ZZEF1: variants seen among roughly 807,000 people sequenced by gnomAD.
The protein encoded by ZZEF1 is zinc finger ZZ-type and EF-hand domain-containing protein 1.
In ZZEF1, 157 loss-of-function variants were observed where a neutral mutation model predicts 342.8. That is an observed-to-expected ratio of 0.46 (90% CI 0.40 to 0.52). The LOEUF is 0.52. ZZEF1 is among the 20% of genes least tolerant of loss of function. The pLI is 0.00. For synonymous variants in ZZEF1, 1,505 were observed against 1,429.1 expected (o/e 1.05, Z -1.20); for missense variants, 3,480 against 3,725.6 (o/e 0.93, Z 1.72).
intron 18 of ZZEF1, among the ~76,000 whole-genome samples, chr17:4,078,337 A>G (rs2057662311): frequency 6.6e-6 from 1 of 152,104 alleles, no homozygotes; most frequent in South Asian, 2.1e-4. Flanking sequence ...ACATCTTAAA[A>G]TGTCCTTTCT....
rs2056867941 is a variant in ZZEF1 at position 4,044,446 on chromosome 17, TTAA to T, written c.6016-75_6016-73del. The T allele has an allele frequency of 8.5e-6, 12 of 1,413,748 alleles. 1 individual carries two copies. The South Asian group carries it at 1.5e-4, about 17-fold the overall frequency. The allele number at this position is 1,413,748 out of a possible 1,614,324, so 87.6% of individuals were successfully genotyped here. Reference sequence around the variant, plus strand: ...TTTGCTCCATGATTATGATAACTTTTTAATGATTAGCCAGTCTTCATAGACTAA... The same window carrying T: ...TTTGCTCCATGATTATGATAACTTTTTGATTAGCCAGTCTTCATAGACTAA... On this transcript the variant is annotated intron_variant, in intron 37 of 54. Transcript: ENST00000381638.
rs369195009 is a variant in ZZEF1, at chr17:4,104,907, A to C, written c.1395-96T>G. 234 of 1,019,052 alleles carry C rather than the reference A, an allele frequency of 2.3e-4. 1 individual carries two copies. The highest frequency in any genetic ancestry group is 5.4e-4 in the East Asian group (21 of 38,712). The allele number at this position is 1,019,052 out of a possible 1,614,324, so 63.1% of individuals were successfully genotyped here. A position where few individuals can be genotyped will look rare whatever the true frequency, so the allele number is the denominator to read the frequency against. On this transcript the variant is annotated intron_variant, in intron 7 of 54. Transcript: ENST00000381638. ...TAAGTGATCAACACAAGTAACATTA[A>C]CCTGCCATATGCTTTCTACAGGTTT...
rs1396270105 is a variant in ZZEF1, at chr17:4,075,409, T to C, written c.3255A>G (p.Gln1085=). 1.2e-6 allele frequency: 2 copies of C among 1,613,912 alleles called. No homozygotes were observed. The highest frequency in any genetic ancestry group is 1.1e-5 in the South Asian group (1 of 91,048). The change falls in exon 22 of 55, where the codon CAA becomes CAG. Residue 1085 remains glutamine, a synonymous_variant. Transcript: ENST00000381638. The part of the protein sequence containing the change: ...GLRKLDVETW[Q]QEQPVVLHTW... ...TATGTAACACCACAGGCTGTTCCTG[T>C]TGCCAGGTCTCAACATCCAGCTATG...
intron 26 of ZZEF1, among the ~76,000 whole-genome samples, chr17:4,068,274 T>C (rs1404636427): frequency 6.6e-6 from 1 of 152,190 alleles, no homozygotes; most frequent in Non-Finnish European, 1.5e-5. Context: ...TTGTTTATAA[T>C]TAGAAAAATA....
chr17:4,108,085 T>C (rs2058240494), intron 6 of ZZEF1, among the ~76,000 whole-genome samples: 1 of 152,216 alleles, frequency 6.6e-6, no homozygotes, highest in Admixed American at 6.5e-5. Flanking sequence ...TGATGAGGAA[T>C]ACGATATTTA....
At chr17:4,137,446 C>T (rs1474358515) in intron 1 of ZZEF1, among the ~76,000 whole-genome samples, 2 of 151,754 alleles carry the variant, frequency 1.3e-5, no homozygotes, top group African/African-American at 4.9e-5. Context: ...CCGTCTCTTA[C>T]TAAAAAACAC....
In ZZEF1 at chr17:4,006,399, G is replaced by A. The variant is rs2055801124; in HGVS notation, c.*491C>T. On this transcript the variant is annotated 3_prime_UTR_variant, in exon 55 of 55. Transcript: ENST00000381638. ...TGGGGATCACTGGTGGCTAGGAGGGGCTCTCGCCAGTTTTGGTTTGGTGTG... is the reference window on the plus strand; with the variant it reads ...TGGGGATCACTGGTGGCTAGGAGGGACTCTCGCCAGTTTTGGTTTGGTGTG... The A allele has an allele frequency of 4.5e-6, 1 of 219,852 alleles. No individual in the cohort carries two copies. The highest frequency in any genetic ancestry group is 5.3e-5 in the Admixed American group (1 of 18,976). 13.6% of individuals were successfully genotyped at this position (219,852 alleles called of 1,614,324 possible). A position where few individuals can be genotyped will look rare whatever the true frequency, so the allele number is the denominator to read the frequency against.
At chr17:4,104,236 G>GT (rs1218395059) in intron 8 of ZZEF1, among the ~76,000 whole-genome samples, 1 of 152,146 alleles carries the variant, frequency 6.6e-6, no homozygotes, top group Non-Finnish European at 1.5e-5. Context: ...CCTTTGCACC[G>GT]TATCTTGGCT....
chr17:4,106,816 G>C (rs1469970707), intron 6 of ZZEF1, among the ~76,000 whole-genome samples: 1 of 152,228 alleles, frequency 6.6e-6, no homozygotes, highest in Non-Finnish European at 1.5e-5. Flanking sequence ...GGTATTCTGT[G>C]AATGTATCAA....
intron 9 of ZZEF1, among the ~76,000 whole-genome samples, 164 bp from the exon 10 acceptor site, chr17:4,096,864 G>A (rs1023382202): frequency 2.0e-5 from 3 of 152,098 alleles, no homozygotes; most frequent in South Asian, 2.1e-4. Flanking sequence ...AGGCAACCCC[G>A]ATGATAAAGC....
At chr17:4,115,726 C>A (rs1369874091) in intron 3 of ZZEF1, among the ~76,000 whole-genome samples, 1 of 152,074 alleles carries the variant, frequency 6.6e-6, no homozygotes, top group Non-Finnish European at 1.5e-5. Context: ...TGCCCAAGGG[C>A]AGAGTTACTA....
Position 4,063,036 on chromosome 17 carries a change from T to C in ZZEF1, c.4719-119A>G, listed in dbSNP as rs551526533. On this transcript the variant is annotated intron_variant, in intron 29 of 54. Coordinates refer to ENST00000381638, the MANE Select transcript of ZZEF1 (RefSeq NM_015113.4). ...AAGAGGAAACACTATTGTGAGGTATTAGAAACACCATGTAGGAGAAGTACC... is the reference window on the plus strand; with the variant it reads ...AAGAGGAAACACTATTGTGAGGTATCAGAAACACCATGTAGGAGAAGTACC... 1.3e-5 allele frequency: 13 copies of C among 1,010,424 alleles called. No homozygotes were observed. The African/African-American group carries it at 1.6e-4, about 13-fold the overall frequency. 62.6% of individuals were successfully genotyped at this position (1,010,424 alleles called of 1,614,324 possible).
chr17:4,075,614 C>T (rs1829166), intron 21 of ZZEF1, among the ~76,000 whole-genome samples, 185 bp from the exon 22 acceptor site: 4,492 of 152,232 alleles, frequency 0.03, 233 homozygotes, highest in African/African-American at 0.1. Flanking sequence ...ACGTCCACCA[C>T]GCAGCCGAGG....
At chr17:4,105,423 T>G (rs906583649) in intron 7 of ZZEF1, among the ~76,000 whole-genome samples, 4 of 152,174 alleles carry the variant, frequency 2.6e-5, no homozygotes, top group African/African-American at 9.7e-5. Context: ...AGTTGGACTT[T>G]GAGACATCTG....
rs971369198 is a variant in ZZEF1, at chr17:4,006,465, G to A, written c.*425C>T. ...CTCCCAGGCTGGGCAGCCACTGGGG[G>A]TCTTGCTGGAAAGGTGGATCTGGGT... On this transcript the variant is annotated 3_prime_UTR_variant, in exon 55 of 55. Coordinates refer to ENST00000381638, the MANE Select transcript of ZZEF1 (RefSeq NM_015113.4). The A allele has an allele frequency of 2.4e-5, 6 of 245,070 alleles. No homozygotes were observed. The highest frequency in any genetic ancestry group is 4.3e-5 in the South Asian group (1 of 23,236). The allele number at this position is 245,070 out of a possible 1,614,324, so 15.2% of individuals were successfully genotyped here. A position where few individuals can be genotyped will look rare whatever the true frequency, so the allele number is the denominator to read the frequency against.
intron 18 of ZZEF1, among the ~76,000 whole-genome samples, chr17:4,078,481 G>A (rs2057664787): frequency 6.6e-6 from 1 of 152,128 alleles, no homozygotes; most frequent in Non-Finnish European, 1.5e-5. Flanking sequence ...CTCCAGATAC[G>A]GAAGATTGTA....
chr17:4,087,871 T>C (rs986727183), intron 13 of ZZEF1, among the ~76,000 whole-genome samples: 1 of 151,384 alleles, frequency 6.6e-6, no homozygotes, highest in African/African-American at 2.4e-5. Flanking sequence ...TAAGCCAGTC[T>C]TTCCTGGATG....
chr17:4,064,517 G>A lies in ZZEF1; in HGVS notation c.4562C>T (p.Thr1521Ile), dbSNP rs2057351896. ...ATAEEPLSPSTPTRRPPFTRG... is the reference protein window; with the variant it reads ...ATAEEPLSPSIPTRRPPFTRG... ...GGTGAAGGGAGGCCGGCGGGTGGGT[G>A]TGGAAGGTGACAAGGGCTCTTCAGC... is the stretch of plus-strand genomic sequence containing the variant. The change falls in exon 29 of 55, where the codon ACA (threonine) becomes ATA (isoleucine). Residue 1521 changes from threonine to isoleucine, a missense_variant. Coordinates refer to ENST00000381638, the MANE Select transcript of ZZEF1 (RefSeq NM_015113.4). The A allele has an allele frequency of 2.5e-6, 4 of 1,614,216 alleles. No homozygotes were observed. The highest frequency in any genetic ancestry group is 1.6e-4 in the Middle Eastern group (1 of 6,062).
In ZZEF1 at chr17:4,014,147, T is replaced by G; in HGVS notation, c.8356A>C (p.Thr2786Pro). The change falls in exon 51 of 55, where the codon ACC becomes CCC. Residue 2786 changes from threonine to proline, a missense_variant. Physicochemically the swap from Thr to Pro is conservative, Grantham distance 38 (BLOSUM62 -1). Around this residue, in one of 5 missense-constraint regions of ZZEF1, gnomAD observed 1,269 missense variants for 1,342.4 expected, o/e 0.95. Transcript: ENST00000381638. The surrounding 1 kb of genome is among the most constrained non-coding windows in gnomAD (Gnocchi z 4.4). Reference protein sequence around the residue: ...YYRFTSDMSNTEWGYRFTVTA... With the variant: ...YYRFTSDMSNPEWGYRFTVTA... Reference sequence around the variant, plus strand: ...ACGGTGAATCTGTAGCCCCACTCGGTGTTGCTCATGTCGGAGGTGAAGCGG... The same window carrying G: ...ACGGTGAATCTGTAGCCCCACTCGGGGTTGCTCATGTCGGAGGTGAAGCGG... 6.2e-7 allele frequency: 1 copy of G among 1,614,132 alleles called. No individual in the cohort carries two copies. Among genetic ancestry groups the G allele is most frequent in the Non-Finnish European group, 8.5e-7 (1 of 1,180,020 alleles).
Sources: allele counts gnomAD v4.1 joint callset (sites outside exome capture counted in the v4.1 genomes callset), GRCh38; gene constraint gnomAD v4.1.1; regional missense constraint gnomAD v4.1.1; non-coding constraint Gnocchi (gnomAD v3.1); transcripts MANE v1.5; gene names NCBI Gene and HGNC (gene_info 2026-07-23, HGNC 2026-07-21).